The following MIGA1 variants were observed in gnomAD, a reference collection of about 807,000 sequenced individuals.
MIGA1 encodes the protein family with sequence similarity 73, member A.
In MIGA1, 58 loss-of-function variants were observed where a neutral mutation model predicts 82.0. The ratio of observed to expected loss-of-function variants is 0.71; its 90% CI spans 0.57 to 0.88. The LOEUF (loss-of-function observed/expected upper bound fraction) is 0.88, where lower values mean the gene tolerates loss of function less well. Among genes scored for constraint, MIGA1 ranks in the 40% least tolerant of loss-of-function variants. MIGA1 has a pLI of 0.00. For synonymous variants in MIGA1, 249 were observed against 253.6 expected (o/e 0.98, Z 0.17); for missense variants, 751 against 749.1 (o/e 1.00, Z -0.03).
intron 8 of MIGA1, among the ~76,000 whole-genome samples, chr1:77,856,421 A>G (rs542007545): frequency 9.7e-4 from 147 of 152,144 alleles, no homozygotes; most frequent in African/African-American, 3.3e-3. Context: ...GGTTCCTTCT[A>G]TCTTGTGGAA....
intron 2 of MIGA1, among the ~76,000 whole-genome samples, chr1:77,786,257 C>G (rs979858251): frequency 6.6e-6 from 1 of 152,214 alleles, no homozygotes; most frequent in Admixed American, 6.5e-5. Context: ...CTGGGCCTGG[C>G]CCCTGAAACC....
At chr1:77,851,629 G>A (rs1685054219) in intron 8 of MIGA1, among the ~76,000 whole-genome samples, 1 of 152,036 alleles carries the variant, frequency 6.6e-6, no homozygotes, top group South Asian at 2.1e-4. Context: ...TTCTAAGCTG[G>A]CATTGTCTCT....
At chr1:77,793,638 T>G (rs896599860) in intron 2 of MIGA1, among the ~76,000 whole-genome samples, 5 of 151,268 alleles carry the variant, frequency 3.3e-5, no homozygotes, top group African/African-American at 1.2e-4. Flanking sequence ...TTTTTTTTTT[T>G]TTTGTATTTT....
At chr1:77,803,480 A>G (rs950273472) in intron 4 of MIGA1, 74 bp downstream of exon 4, 1 of 591,774 alleles carries the variant, frequency 1.7e-6, no homozygotes, top group African/African-American at 1.9e-5. Context: ...TTTAAGTGTC[A>G]TATACTTATA....
chr1:77,825,179 G>A (rs1683983765), intron 7 of MIGA1, among the ~76,000 whole-genome samples: 1 of 151,646 alleles, frequency 6.6e-6, no homozygotes. Context: ...GCTAATTTCT[G>A]TATTTTTAGT....
chr1:77,867,487 C>T (rs1013216105), intron 14 of MIGA1, among the ~76,000 whole-genome samples: 1 of 152,164 alleles, frequency 6.6e-6, no homozygotes, highest in Non-Finnish European at 1.5e-5. Context: ...ACCACCATGC[C>T]TGGCTGATTT....
At chr1:77,806,113 A>C (rs1268961691) in intron 4 of MIGA1, among the ~76,000 whole-genome samples, 4 of 152,178 alleles carry the variant, frequency 2.6e-5, no homozygotes, top group Admixed American at 2.6e-4. Flanking sequence ...AATTAGGTGA[A>C]TATTTTACTC....
At chr1:77,839,046 T>C (rs1684531628) in intron 7 of MIGA1, among the ~76,000 whole-genome samples, 1 of 152,170 alleles carries the variant, frequency 6.6e-6, no homozygotes. Flanking sequence ...ATGAACACTC[T>C]TATGCATATA....
In MIGA1 at chr1:77,874,898, A is replaced by T; in HGVS notation, c.1733A>T (p.Tyr578Phe). The T allele has an allele frequency of 6.2e-7, 1 of 1,614,154 alleles. No homozygotes were observed. Among genetic ancestry groups the T allele is most frequent in the African/African-American group, 1.3e-5 (1 of 75,056 alleles). Residue 578 changes from tyrosine (Y) to phenylalanine (F), a missense_variant, in exon 16 of 16, where the codon TAT (tyrosine) becomes TTT (phenylalanine). Physicochemically the swap from Tyr to Phe is conservative, Grantham distance 22. Transcript: ENST00000370791. ...ATTTTTGACTTTGAGAAGGTGCGCT[A>T]TTCAAGTACAGAGACTTTAGCTGAA...
intron 8 of MIGA1, among the ~76,000 whole-genome samples, chr1:77,844,135 T>TATATATAG (rs1376030825): frequency 2.8e-4 from 32 of 112,522 alleles, no homozygotes; most frequent in African/African-American, 1.0e-3. Context: ...TATATATATA[T>TATATATAG]ATAGATAGAT....
intron 14 of MIGA1, among the ~76,000 whole-genome samples, chr1:77,869,814 G>C (rs1323817652): frequency 9.2e-6 from 1 of 108,746 alleles, no homozygotes; most frequent in Non-Finnish European, 1.9e-5. Context: ...AGGGGCGGCC[G>C]GGCAGAGGCG....
At chr1:77,785,999 T>C (rs1188412556) in intron 2 of MIGA1, among the ~76,000 whole-genome samples, 2 of 152,228 alleles carry the variant, frequency 1.3e-5, no homozygotes, top group Non-Finnish European at 2.9e-5. Flanking sequence ...GGCCCACCCC[T>C]GCAGCAAACT....
At chr1:77,864,102 T>G in intron 13 of MIGA1, 74 bp downstream of exon 13, 1 of 1,502,392 alleles carries the variant, frequency 6.7e-7, no homozygotes. Flanking sequence ...AGCTCACGCC[T>G]GTAATCCCAG....
Position 77,779,681 on chromosome 1 carries a change from G to C in MIGA1, c.26G>C (p.Gly9Ala), listed in dbSNP as rs1458227155. ...ATGTCAGACTGCTGCTCAGCGCCAG[G>C]CATCAGCTGGGAAGCTGGCGTGGGC... The change falls in exon 1 of 16, where the codon GGC (glycine) becomes GCC (alanine). Residue 9 changes from glycine (G) to alanine (A), a missense_variant. Physicochemically the swap from Gly to Ala is moderately conservative, Grantham distance 60. Coordinates refer to ENST00000370791, the MANE Select transcript of MIGA1 (RefSeq NM_198549.4). 2.5e-6 allele frequency: 4 copies of C among 1,589,000 alleles called. No individual in the cohort carries two copies. The highest frequency in any genetic ancestry group is 2.3e-5 in the South Asian group (2 of 87,036).
At position 77,876,496 on chromosome 1, in the gene MIGA1, G is replaced by T. The variant is rs1416185193; in HGVS notation, c.*1432G>T. 6.6e-6 allele frequency: 1 copy of T among 152,126 alleles called. No homozygotes were observed. Among genetic ancestry groups the T allele is most frequent in the African/African-American group, 2.4e-5 (1 of 41,420 alleles). 9.4% of individuals were successfully genotyped at this position (152,126 alleles called of 1,614,324 possible). A position where few individuals can be genotyped will look rare whatever the true frequency, so the allele number is the denominator to read the frequency against. On this transcript the variant is annotated 3_prime_UTR_variant, in exon 16 of 16. Transcript: ENST00000370791. ...CCCTGGAATGAGTATTGATTAAAAAGATAACATTTATTAATTAATAAAGGC... is the reference window on the plus strand; with the variant it reads ...CCCTGGAATGAGTATTGATTAAAAATATAACATTTATTAATTAATAAAGGC...
chr1:77,829,557 C>T (rs1013448199), intron 7 of MIGA1, among the ~76,000 whole-genome samples: 6 of 152,152 alleles, frequency 3.9e-5, no homozygotes, highest in African/African-American at 1.2e-4. Context: ...CAACCTTCAC[C>T]TCCTAGGTTC....
chr1:77,782,834 C>T (rs1283618943), intron 1 of MIGA1: 1 of 983,498 alleles, frequency 1.0e-6, no homozygotes, highest in Non-Finnish European at 1.2e-6. Flanking sequence ...AACCTGCCTG[C>T]CACCTACTCT....
chr1:77,851,879 T>TC (rs57484974), intron 8 of MIGA1, among the ~76,000 whole-genome samples: 33,270 of 145,124 alleles, frequency 0.23, 4,017 homozygotes, highest in East Asian at 0.41. Context: ...TTTCTTTCTT[T>TC]TTTTTTTTTT....
chr1:77,798,526 A>G (rs1027297668), intron 2 of MIGA1, among the ~76,000 whole-genome samples: 36 of 152,198 alleles, frequency 2.4e-4, no homozygotes, highest in African/African-American at 8.4e-4. Context: ...CTTGTGAGAC[A>G]TATTCTCTAC....
Sources: gnomAD v4.1 joint callset for allele counts (sites outside exome capture counted in the v4.1 genomes callset) on GRCh38, gnomAD v4.1.1 for gene constraint, MANE v1.5 for transcripts, NCBI Gene and HGNC (gene_info 2026-07-23, HGNC 2026-07-21) for gene names.